TENM2: variants seen among roughly 807,000 people sequenced by gnomAD.
TENM2 encodes teneurin-2.
A neutral mutation model predicts 245.2 loss-of-function variants in TENM2; 52 were observed. The observed-to-expected ratio is 0.21, with a 90% CI of 0.17 to 0.27. TENM2 has a LOEUF of 0.27. Among genes scored for constraint, TENM2 ranks in the 10% least tolerant of loss-of-function variants. TENM2 has a pLI of 1.00. For missense variants in TENM2, 3,046 were observed against 3,666.8 expected, an observed-to-expected ratio of 0.83 and a Z score of 4.37; for synonymous variants, 1,363 against 1,438.9, an observed-to-expected ratio of 0.95 and a Z score of 1.19.
intron 12 of TENM2, among the ~76,000 whole-genome samples, chr5:168,156,268 A>AAAAC (rs1757173754): frequency 6.9e-6 from 1 of 144,010 alleles, no homozygotes; most frequent in Non-Finnish European, 1.5e-5. Context: ...AAAAAAAAAC[A>AAAAC]CTTTTTTTTT....
At chr5:167,254,889 TG>T in the TENM2 span, among the ~76,000 whole-genome samples, 1 of 151,942 alleles carries the variant, frequency 6.6e-6, no homozygotes, top group Admixed American at 6.6e-5. Flanking sequence ...GGGATATTTT[TG>T]GTTGGTTCAA....
the TENM2 span, among the ~76,000 whole-genome samples, chr5:167,215,770 A>C: frequency 4.8e-4 from 73 of 152,214 alleles, no homozygotes; most frequent in African/African-American, 1.6e-3. Context: ...TTTTCAGTGT[A>C]TACACTGGGC....
At position 167,861,288 on chromosome 5, in the gene TENM2, A is replaced by G. The variant is rs551064343; in HGVS notation, c.503-14698A>G. On this transcript the variant is annotated intron_variant, in intron 2 of 28. Coordinates refer to ENST00000518659, the Ensembl canonical transcript of TENM2. ...GGGGTGGAAGGAGAAAGAACCAACC[A>G]TTTCCTAGTGCACGATAATGTTTCA... 2.5e-4 allele frequency among the ~76,000 whole-genome samples: 38 copies of G among 152,080 alleles called. 3 individuals carry two copies. Among genetic ancestry groups the G allele is most frequent in the African/African-American group, 9.2e-4 (38 of 41,470 alleles).
chr5:168,208,619 G>C (rs1472336686), intron 19 of TENM2, among the ~76,000 whole-genome samples: 1 of 152,222 alleles, frequency 6.6e-6, no homozygotes, highest in Non-Finnish European at 1.5e-5. Flanking sequence ...GAACGGAAAT[G>C]CTTTTCCTAT....
chr5:167,292,225 G>A (rs1423020119), intron 1 of TENM2, among the ~76,000 whole-genome samples: 1 of 152,114 alleles, frequency 6.6e-6, no homozygotes, highest in East Asian at 1.9e-4. Flanking sequence ...CATATTATAA[G>A]CTTCACATCC....
At chr5:167,732,004 C>T (rs764575007) in intron 2 of TENM2, among the ~76,000 whole-genome samples, 37 of 152,046 alleles carry the variant, frequency 2.4e-4, no homozygotes, top group East Asian at 5.8e-4. Context: ...TATATAATTG[C>T]GGGCTTTAAT....
intron 2 of TENM2, among the ~76,000 whole-genome samples, chr5:167,429,583 A>G (rs1246712604): frequency 2.0e-5 from 3 of 149,422 alleles, no homozygotes; most frequent in Non-Finnish European, 4.4e-5. Flanking sequence ...AGGTCAGGGA[A>G]ATTCTCTTTC....
At position 167,466,207 on chromosome 5, in the gene TENM2, T is replaced by C. The variant is rs149288328; in HGVS notation, c.502+90734T>C. 4.3e-3 allele frequency among the ~76,000 whole-genome samples: 656 copies of C among 152,326 alleles called. 7 individuals carry two copies. The highest frequency in any genetic ancestry group is 0.015 in the African/African-American group (619 of 41,566). On this transcript the variant is annotated intron_variant, in intron 2 of 28. Coordinates refer to ENST00000518659, the Ensembl canonical transcript of TENM2. ...GAAAGGTCCTAAGGATAGTTTGCTATTTCAATGTCCAGAGATAGCTGAATT... is the reference window on the plus strand; with the variant it reads ...GAAAGGTCCTAAGGATAGTTTGCTACTTCAATGTCCAGAGATAGCTGAATT...
At chr5:167,544,707 C>G (rs1038496153) in intron 2 of TENM2, among the ~76,000 whole-genome samples, 13 of 152,162 alleles carry the variant, frequency 8.5e-5, no homozygotes, top group African/African-American at 3.1e-4. Context: ...GTACTGGGTG[C>G]CCCTCCTGGG....
chr5:167,031,834 G>T, the TENM2 span, among the ~76,000 whole-genome samples: 2 of 152,148 alleles, frequency 1.3e-5, no homozygotes, highest in Non-Finnish European at 2.9e-5. Context: ...CAAAATGTGG[G>T]ATTACAGGTT....
intron 2 of TENM2, among the ~76,000 whole-genome samples, chr5:167,781,678 T>A (rs1236425613): frequency 2.6e-5 from 4 of 152,216 alleles, no homozygotes; most frequent in Non-Finnish European, 4.4e-5. Flanking sequence ...TTAGAATTTA[T>A]GAAAATCACA....
At chr5:167,794,135 G>A (rs903606512) in intron 2 of TENM2, among the ~76,000 whole-genome samples, 2 of 151,922 alleles carry the variant, frequency 1.3e-5, no homozygotes, top group African/African-American at 4.8e-5. Context: ...ATATATTACA[G>A]TAGCTATGTC....
chr5:167,533,107 G>A (rs183370090), intron 2 of TENM2, among the ~76,000 whole-genome samples: 25 of 152,154 alleles, frequency 1.6e-4, no homozygotes, highest in Non-Finnish European at 3.1e-4. Flanking sequence ...GACCCTCACC[G>A]TTAGAGATAG....
At chr5:168,238,213 G>GAAGAAAA (rs1491309340) in intron 25 of TENM2, among the ~76,000 whole-genome samples, 5 of 40,756 alleles carry the variant, frequency 1.2e-4, no homozygotes, top group African/African-American at 2.8e-4. Context: ...GAGGGAGGGA[G>GAAGAAAA]GGAGAGAGAA....
At chr5:167,843,727 C>G (rs1003163521) in intron 2 of TENM2, among the ~76,000 whole-genome samples, 1 of 152,046 alleles carries the variant, frequency 6.6e-6, no homozygotes, top group Non-Finnish European at 1.5e-5. Context: ...GCTTCCTCTC[C>G]TCCACTTTTC....
chr5:167,831,404 A>C (rs1008221399), intron 2 of TENM2, among the ~76,000 whole-genome samples: 2 of 151,052 alleles, frequency 1.3e-5, no homozygotes, highest in African/African-American at 4.9e-5. Flanking sequence ...GGCCCATGTT[A>C]TATTCCTAGT....
intron 2 of TENM2, among the ~76,000 whole-genome samples, chr5:167,640,892 T>TATAC (rs1561629151): frequency 1.0e-5 from 1 of 96,244 alleles, no homozygotes; most frequent in East Asian, 3.2e-4. Flanking sequence ...TATATATATA[T>TATAC]ATATATATAT....
the TENM2 span, among the ~76,000 whole-genome samples, chr5:167,187,224 C>G: frequency 6.6e-6 from 1 of 152,154 alleles, no homozygotes; most frequent in Non-Finnish European, 1.5e-5. Flanking sequence ...ATCAAGGTCT[C>G]AGTGAAGTGC....
intron 12 of TENM2, among the ~76,000 whole-genome samples, chr5:168,146,724 T>G (rs997182171): frequency 2.6e-5 from 4 of 152,222 alleles, no homozygotes; most frequent in Admixed American, 2.6e-4. Context: ...ACTGTTAGCA[T>G]CATCATTTCA....
Sources: gnomAD v4.1 joint callset for allele counts (sites outside exome capture counted in the v4.1 genomes callset) on GRCh38, gnomAD v4.1.1 for gene constraint, MANE v1.5 for transcripts, NCBI Gene and HGNC (gene_info 2026-07-23, HGNC 2026-07-21) for gene names.